Variants in RIMS2 observed in about 807,000 individuals in gnomAD.
RIMS2 encodes the protein regulating synaptic membrane exocytosis protein 2.
RIMS2 carries 59 observed loss-of-function variants against 174.4 expected under a neutral mutation model. The ratio of observed to expected loss-of-function variants is 0.34; its 90% CI spans 0.27 to 0.42. The LOEUF (loss-of-function observed/expected upper bound fraction) is 0.42, where lower values mean the gene tolerates loss of function less well. Ranked by LOEUF, RIMS2 falls within the 10% of genes least tolerant of loss-of-function variation. The pLI is 1.00. For synonymous variants in RIMS2, 606 were observed against 572.5 expected, an observed-to-expected ratio of 1.06 and a Z score of -0.84; for missense variants, 1,620 against 1,666.3, an observed-to-expected ratio of 0.97 and a Z score of 0.48.
At chr8:103,592,784 A>C (rs2094322458) in intron 1 of RIMS2, among the ~76,000 whole-genome samples, 1 of 151,448 alleles carries the variant, frequency 6.6e-6, no homozygotes, top group African/African-American at 2.4e-5. Context: ...ACACATGCAG[A>C]AAATAAAAGT....
intron 4 of RIMS2, among the ~76,000 whole-genome samples, chr8:103,887,641 A>AT (rs1393364811): frequency 6.6e-6 from 1 of 151,544 alleles, no homozygotes; most frequent in Non-Finnish European, 1.5e-5. Flanking sequence ...TGAATAGTCC[A>AT]TTTTTTGTTT....
chr8:104,093,575 T>G, intron 19 of RIMS2: 1 of 1,597,708 alleles, frequency 6.3e-7, no homozygotes, highest in Non-Finnish European at 8.5e-7. Context: ...CTAGTAGTGC[T>G]TCTCGTTTCA....
At chr8:104,096,159 T>C (rs2097758924) in intron 19 of RIMS2, among the ~76,000 whole-genome samples, 3 of 151,780 alleles carry the variant, frequency 2.0e-5, no homozygotes, top group Non-Finnish European at 4.4e-5. Context: ...AAGGTGTCCT[T>C]GGAAAGATAC....
At chr8:103,600,415 A>T (rs1435866792) in intron 1 of RIMS2, among the ~76,000 whole-genome samples, 5 of 152,076 alleles carry the variant, frequency 3.3e-5, no homozygotes, top group African/African-American at 1.2e-4. Flanking sequence ...GATTACAGGC[A>T]TGTGCCACCA....
intron 19 of RIMS2, among the ~76,000 whole-genome samples, chr8:104,083,096 A>G (rs2097456231): frequency 6.6e-6 from 1 of 152,108 alleles, no homozygotes; most frequent in African/African-American, 2.4e-5. Context: ...CACAGGGAAC[A>G]GGAGTAGTGG....
At chr8:104,164,484 T>G (rs144243245) in intron 19 of RIMS2, among the ~76,000 whole-genome samples, 266 of 152,264 alleles carry the variant, frequency 1.7e-3, no homozygotes, top group African/African-American at 6.1e-3. Flanking sequence ...AATCATAAAT[T>G]TAGTTAATGA....
chr8:103,950,190 A>T (rs2084984005), intron 14 of RIMS2, among the ~76,000 whole-genome samples: 1 of 152,170 alleles, frequency 6.6e-6, no homozygotes, highest in Admixed American at 6.5e-5. Flanking sequence ...AGTCTGCCTA[A>T]CATGTAAGGG....
chr8:104,169,653 A>AT (rs1002899829), intron 19 of RIMS2, among the ~76,000 whole-genome samples: 1 of 150,968 alleles, frequency 6.6e-6, no homozygotes, highest in African/African-American at 2.4e-5. Context: ...TATCTTTTGT[A>AT]TTTTTTTGTT....
intron 1 of RIMS2, among the ~76,000 whole-genome samples, chr8:103,678,276 C>G (rs1452296719): frequency 2.0e-5 from 3 of 152,102 alleles, no homozygotes; most frequent in Admixed American, 2.0e-4. Context: ...TGTAAACATT[C>G]AGTAAGTATT....
intron 19 of RIMS2, among the ~76,000 whole-genome samples, chr8:104,210,332 C>G (rs1315442158): frequency 6.6e-6 from 1 of 152,140 alleles, no homozygotes; most frequent in Non-Finnish European, 1.5e-5. Context: ...TTAATTAAAA[C>G]CACAAATCTT....
intron 3 of RIMS2, among the ~76,000 whole-genome samples, chr8:103,861,910 A>G (rs1374034672): frequency 6.6e-6 from 1 of 151,922 alleles, no homozygotes; most frequent in African/African-American, 2.4e-5. Flanking sequence ...ATTTACAAAT[A>G]TTTTCTCCCA....
At chr8:103,781,031 A>AG (rs1252396103) in intron 3 of RIMS2, among the ~76,000 whole-genome samples, 3 of 152,150 alleles carry the variant, frequency 2.0e-5, no homozygotes, top group African/African-American at 7.2e-5. Flanking sequence ...AAAAGTCCAA[A>AG]GGGGATATTC....
chr8:103,776,008 G>A (rs911874049), intron 3 of RIMS2, among the ~76,000 whole-genome samples: 1 of 152,156 alleles, frequency 6.6e-6, no homozygotes, highest in Non-Finnish European at 1.5e-5. Context: ...TACACATGCT[G>A]TCCCAGCATT....
chr8:103,935,217 C>A (rs1170862962), intron 12 of RIMS2, among the ~76,000 whole-genome samples: 1 of 152,320 alleles, frequency 6.6e-6, no homozygotes, highest in Non-Finnish European at 1.5e-5. Context: ...TTCCCATACA[C>A]ATTATCACTT....
intron 3 of RIMS2, among the ~76,000 whole-genome samples, chr8:103,804,577 G>A (rs1443020736): frequency 6.6e-6 from 1 of 152,104 alleles, no homozygotes; most frequent in Non-Finnish European, 1.5e-5. Flanking sequence ...GCTCCTCCTG[G>A]TAAGAAAATG....
intron 3 of RIMS2, among the ~76,000 whole-genome samples, chr8:103,770,486 G>T (rs534047311): frequency 2.4e-4 from 37 of 152,238 alleles, no homozygotes; most frequent in Middle Eastern, 3.4e-3. Context: ...TGAGGTAGCA[G>T]AATCGCTTGA....
At chr8:103,769,141 A>C (rs1465472305) in intron 3 of RIMS2, 1 of 167,640 alleles carries the variant, frequency 6.0e-6, no homozygotes, top group East Asian at 1.8e-4. Context: ...TGTGGAGCTT[A>C]GAGAGGCAGG....
intron 1 of RIMS2, among the ~76,000 whole-genome samples, chr8:103,605,909 T>C (rs1259502219): frequency 8.7e-5 from 13 of 150,092 alleles, no homozygotes; most frequent in Admixed American, 5.3e-4. Context: ...TTATTAGTCT[T>C]GCTAGCAGTC....
chr8:103,996,166 A>AAAT (rs2095081401), intron 17 of RIMS2, among the ~76,000 whole-genome samples: 1 of 151,926 alleles, frequency 6.6e-6, no homozygotes, highest in Non-Finnish European at 1.5e-5. Flanking sequence ...CTGCTATGAC[A>AAAT]GGTAAAAATG....
Sources: allele counts gnomAD v4.1 joint callset (sites outside exome capture counted in the v4.1 genomes callset), GRCh38; gene constraint gnomAD v4.1.1; transcripts MANE v1.5; gene names NCBI Gene and HGNC (gene_info 2026-07-23, HGNC 2026-07-21).